Variants in CHIC1 observed in about 807,000 individuals in gnomAD.
CHIC1 encodes cysteine rich hydrophobic domain 1.
CHIC1 carries 7 observed loss-of-function variants against 18.5 expected under a neutral mutation model. The observed-to-expected ratio is 0.38, with a 90% CI of 0.22 to 0.71. The LOEUF (loss-of-function observed/expected upper bound fraction) is 0.71. Ranked by LOEUF, CHIC1 falls within the 30% of genes least tolerant of loss-of-function variation. The probability of loss-of-function intolerance (pLI) is 0.49; values close to 1 mark genes in which losing one functional copy is unlikely to be tolerated. For missense variants in CHIC1, 159 were observed against 176.9 expected (o/e 0.90, Z 0.57); for synonymous variants, 77 against 73.5 (o/e 1.05, Z -0.25).
chrX:73,635,933 T>C (rs1013412501), intron 3 of CHIC1, among the ~76,000 whole-genome samples: 3 of 111,904 alleles, frequency 2.7e-5, no homozygotes, highest in Non-Finnish European at 5.6e-5. Context: ...TCTCTTTTCT[T>C]TCTCTCTTGT....
At chrX:73,598,674 T>G (rs1039758748) in intron 3 of CHIC1, among the ~76,000 whole-genome samples, 7 of 110,199 alleles carry the variant, frequency 6.4e-5, no homozygotes, top group African/African-American at 2.0e-4. Context: ...TCATTTTTTA[T>G]GGCTGCATAG....
chrX:73,566,659 T>G (rs1478165666), intron 1 of CHIC1, among the ~76,000 whole-genome samples: 1 of 112,123 alleles, frequency 8.9e-6, no homozygotes, highest in Non-Finnish European at 1.9e-5. Context: ...TTACCTTATC[T>G]GTTTTCTCTT....
chrX:73,576,630 T>C (rs1603339930), intron 1 of CHIC1, among the ~76,000 whole-genome samples: 1 of 110,991 alleles, frequency 9.0e-6, no homozygotes, highest in African/African-American at 3.2e-5. Context: ...TCAGTAAATG[T>C]TACTGTCTTT....
At chrX:73,631,973 G>A (rs752053735) in intron 3 of CHIC1, among the ~76,000 whole-genome samples, 110 of 112,076 alleles carry the variant, frequency 9.8e-4, no homozygotes, top group South Asian at 7.0e-3. Context: ...TCTGGAGAAT[G>A]CTCTATATGC....
chrX:73,605,421 A>G (rs903968844), intron 3 of CHIC1, among the ~76,000 whole-genome samples: 1 of 107,812 alleles, frequency 9.3e-6, no homozygotes, highest in African/African-American at 3.6e-5. Flanking sequence ...AATACAGCAC[A>G]TGGATGGGTC....
At chrX:73,564,048 C>T (rs892845493) in intron 1 of CHIC1, among the ~76,000 whole-genome samples, 15 of 112,158 alleles carry the variant, frequency 1.3e-4, no homozygotes, top group African/African-American at 4.5e-4. Context: ...TGTTCATTCA[C>T]CCACGTATTC....
chrX:73,649,224 G>A (rs767499047), intron 3 of CHIC1, among the ~76,000 whole-genome samples: 1 of 111,667 alleles, frequency 9.0e-6, no homozygotes, highest in East Asian at 2.8e-4. Context: ...AGGAAAAACT[G>A]GAACTAGCCA....
intron 1 of CHIC1, among the ~76,000 whole-genome samples, chrX:73,576,548 C>T (rs1175750401): frequency 9.0e-6 from 1 of 110,694 alleles, no homozygotes; most frequent in Non-Finnish European, 1.9e-5. Context: ...TTACTTAGCA[C>T]AGTGTCTAGC....
intron 3 of CHIC1, among the ~76,000 whole-genome samples, chrX:73,655,462 G>A (rs140228133): frequency 0.041 from 1,771 of 42,912 alleles, 123 homozygotes; most frequent in African/African-American, 0.15. Flanking sequence ...ACAATATTGT[G>A]TATATATATA....
At chrX:73,611,025 T>A (rs1042932623) in intron 3 of CHIC1, among the ~76,000 whole-genome samples, 13 of 107,902 alleles carry the variant, frequency 1.2e-4, no homozygotes, top group Admixed American at 3.9e-4. Context: ...CCAGCTTTTT[T>A]TATTATTATT....
Position 73,627,203 on chromosome X carries a change from A to G in CHIC1, c.507+42631A>G, listed in dbSNP as rs373190366. 6.4e-5 allele frequency among the ~76,000 whole-genome samples: 7 copies of G among 109,151 alleles called. No homozygotes were observed. In the East Asian group the frequency reaches 2.0e-3, roughly 32 times the overall value. 94.8% of individuals were successfully genotyped at this position (109,151 alleles called of 115,157 possible). On this transcript the variant is annotated intron_variant, in intron 3 of 5. Transcript: ENST00000373502. ...CTGAGCCATCTAAAGCTGAGAGTGG[A>G]GTGACATAAGCACCCCTGTGGCCAC...
In CHIC1 at chrX:73,672,128, A is replaced by G. The variant is rs1411861030; in HGVS notation, c.508-7198A>G. ...ATTTTTTATGGCTGCATAGTATTCC[A>G]TGGTGTATATGTGCCACATTTTCTT... On this transcript the variant is annotated intron_variant, in intron 3 of 5. Transcript: ENST00000373502. Among the ~76,000 whole-genome samples the G allele has an allele frequency of 7.2e-5, 8 of 111,879 alleles. No homozygotes were observed. In the East Asian group the frequency reaches 1.1e-3, roughly 16 times the overall value.
chrX:73,643,940 C>T (rs999080764), intron 3 of CHIC1, among the ~76,000 whole-genome samples: 27 of 112,135 alleles, frequency 2.4e-4, no homozygotes, highest in Non-Finnish European at 3.8e-4. Context: ...GGAGGAGAGG[C>T]GCTCAGCTTT....
intron 3 of CHIC1, among the ~76,000 whole-genome samples, chrX:73,674,106 A>G (rs753879586): frequency 4.5e-5 from 5 of 111,842 alleles, no homozygotes; most frequent in Admixed American, 9.5e-5. Flanking sequence ...AGCCGACTTG[A>G]TCATGGTGGA....
chrX:73,625,460 G>T (rs2057779326), intron 3 of CHIC1, among the ~76,000 whole-genome samples: 1 of 111,644 alleles, frequency 9.0e-6, no homozygotes, highest in Non-Finnish European at 1.9e-5. Flanking sequence ...GCTAGAGAAA[G>T]ACCCACCCAT....
At chrX:73,677,139 C>G (rs765194604) in intron 3 of CHIC1, among the ~76,000 whole-genome samples, 2 of 111,744 alleles carry the variant, frequency 1.8e-5, no homozygotes, top group East Asian at 5.7e-4. Flanking sequence ...TCAGTTCGCC[C>G]CTACTGGGGT....
intron 4 of CHIC1, 76 bp downstream of exon 4, chrX:73,679,458 A>G: frequency 4.2e-6 from 3 of 715,264 alleles, no homozygotes; most frequent in Non-Finnish European, 6.3e-6. Context: ...ACAAAATGGG[A>G]ATTTTTAGGC....
intron 3 of CHIC1, among the ~76,000 whole-genome samples, chrX:73,665,491 C>A (rs748722929): frequency 1.8e-5 from 2 of 111,097 alleles, no homozygotes; most frequent in South Asian, 3.8e-4. Flanking sequence ...CCTGCAAAAC[C>A]GAGGCTCCAC....
chrX:73,633,371 A>G (rs56333419), intron 3 of CHIC1, among the ~76,000 whole-genome samples: 5,225 of 110,171 alleles, frequency 0.047, 323 homozygotes, highest in African/African-American at 0.16. Context: ...CTTATGGCTT[A>G]TAAGGTTTCT....
Sources: gnomAD v4.1 joint callset for allele counts (sites outside exome capture counted in the v4.1 genomes callset) on GRCh38, gnomAD v4.1.1 for gene constraint, MANE v1.5 for transcripts, NCBI Gene and HGNC (gene_info 2026-07-23, HGNC 2026-07-21) for gene names.